The following NRG1 variants were observed in gnomAD, a reference collection of about 807,000 sequenced individuals.
NRG1 encodes pro-neuregulin-1, membrane-bound isoform.
NRG1 carries 18 observed loss-of-function variants against 63.8 expected under a neutral mutation model. That is an observed-to-expected ratio of 0.28 (90% CI 0.19 to 0.42). The LOEUF (loss-of-function observed/expected upper bound fraction) is 0.42. Among genes scored for constraint, NRG1 ranks in the 10% least tolerant of loss-of-function variants. NRG1 has a pLI of 1.00. For synonymous variants in NRG1, 302 were observed against 301.3 expected, an observed-to-expected ratio of 1.00 and a Z score of -0.02; for missense variants, 762 against 814.7, an observed-to-expected ratio of 0.94 and a Z score of 0.79.
At chr8:32,328,824 C>A (rs948104532) in intron 1 of NRG1, among the ~76,000 whole-genome samples, 6 of 152,066 alleles carry the variant, frequency 3.9e-5, no homozygotes, top group Non-Finnish European at 7.4e-5. Context: ...ATTATAGATT[C>A]CTCTTTGCTG....
chr8:32,476,648 G>A (rs1403450547), intron 1 of NRG1, among the ~76,000 whole-genome samples: 1 of 152,206 alleles, frequency 6.6e-6, no homozygotes, highest in Non-Finnish European at 1.5e-5. Flanking sequence ...GGCAACTCAT[G>A]AGAATTGCCA....
At chr8:32,653,737 T>TA (rs1367977862) in intron 5 of NRG1, among the ~76,000 whole-genome samples, 4 of 152,264 alleles carry the variant, frequency 2.6e-5, no homozygotes, top group Non-Finnish European at 4.4e-5. Flanking sequence ...TTGGCTTGCA[T>TA]AACATCAAGA....
chr8:32,338,968 T>C (rs1803692332), intron 1 of NRG1, among the ~76,000 whole-genome samples: 1 of 151,938 alleles, frequency 6.6e-6, no homozygotes, highest in Non-Finnish European at 1.5e-5. Context: ...CTATCTACCA[T>C]AGAAGGGAGA....
At chr8:32,342,811 A>G (rs1246452904) in intron 1 of NRG1, among the ~76,000 whole-genome samples, 1 of 152,228 alleles carries the variant, frequency 6.6e-6, no homozygotes, top group East Asian at 1.9e-4. Context: ...ACTGGCGTGC[A>G]CCATTTCATT....
intron 1 of NRG1, among the ~76,000 whole-genome samples, chr8:32,331,139 G>C (rs1429714141): frequency 6.6e-6 from 1 of 152,018 alleles, no homozygotes; most frequent in East Asian, 1.9e-4. Context: ...AAGTCTTCAT[G>C]AGTTAATTTC....
chr8:32,702,629 G>A (rs1815233113), intron 5 of NRG1, among the ~76,000 whole-genome samples: 1 of 152,142 alleles, frequency 6.6e-6, no homozygotes, highest in Non-Finnish European at 1.5e-5. Context: ...TGGGATTACA[G>A]GCACATACAA....
intron 1 of NRG1, among the ~76,000 whole-genome samples, chr8:31,923,350 C>G (rs1422554674): frequency 6.6e-6 from 1 of 152,122 alleles, no homozygotes; most frequent in African/African-American, 2.4e-5. Flanking sequence ...TATGCACACA[C>G]ACATATAAAT....
intron 1 of NRG1, among the ~76,000 whole-genome samples, chr8:32,585,455 C>T (rs556525247): frequency 5.3e-5 from 8 of 152,234 alleles, no homozygotes; most frequent in East Asian, 1.9e-4. Flanking sequence ...CTGGCCGCGG[C>T]GCAGTGATTT....
At chr8:32,434,739 C>T (rs1818572815) in intron 1 of NRG1, among the ~76,000 whole-genome samples, 1 of 151,972 alleles carries the variant, frequency 6.6e-6, no homozygotes, top group African/African-American at 2.4e-5. Flanking sequence ...GTATAATCAG[C>T]CCTCCCATAT....
At chr8:32,025,839 T>G (rs1273293418) in intron 1 of NRG1, among the ~76,000 whole-genome samples, 1 of 149,760 alleles carries the variant, frequency 6.7e-6, no homozygotes, top group African/African-American at 2.4e-5. Flanking sequence ...TCCCAGCTAC[T>G]CGGGGCTGAG....
intron 1 of NRG1, among the ~76,000 whole-genome samples, chr8:32,404,891 T>C (rs915917878): frequency 6.6e-6 from 1 of 152,162 alleles, no homozygotes; most frequent in Non-Finnish European, 1.5e-5. Context: ...AGCCTTCATC[T>C]TCATCTTAAA....
At position 31,801,769 on chromosome 8, in the gene NRG1, G is replaced by A. The variant is rs376075483; in HGVS notation, c.37+162338G>A. Among the ~76,000 whole-genome samples, 6 of 152,272 alleles carry A rather than the reference G, an allele frequency of 3.9e-5. No individual in the cohort carries two copies. The East Asian group carries it at 1.2e-3, about 29-fold the overall frequency. On this transcript the variant is annotated intron_variant, in intron 1 of 10. Coordinates refer to the NRG1 transcript ENST00000519301. Reference sequence around the variant, plus strand: ...ATATTATCTCTGATAATATATTTCAGTATTTTTCATATTGCTCAATATCAG... The same window carrying A: ...ATATTATCTCTGATAATATATTTCAATATTTTTCATATTGCTCAATATCAG...
At chr8:31,772,428 C>G (rs1372194685) in intron 1 of NRG1, among the ~76,000 whole-genome samples, 1 of 152,186 alleles carries the variant, frequency 6.6e-6, no homozygotes, top group East Asian at 1.9e-4. Context: ...CGGACAGATT[C>G]AACACAAGGT....
At chr8:32,131,293 T>A in intron 1 of NRG1, among the ~76,000 whole-genome samples, 1 of 151,924 alleles carries the variant, frequency 6.6e-6, no homozygotes, top group East Asian at 1.9e-4. Context: ...AATATAGAAA[T>A]CCTAAAACAA....
intron 1 of NRG1, among the ~76,000 whole-genome samples, chr8:32,123,000 TGAA>T (rs1346104600): frequency 3.3e-5 from 5 of 151,690 alleles, no homozygotes; most frequent in Admixed American, 2.0e-4. Context: ...CCGTAAAAAA[TGAA>T]GAACTTTTTT....
chr8:32,443,623 C>T (rs759595333), intron 1 of NRG1, among the ~76,000 whole-genome samples: 2 of 152,176 alleles, frequency 1.3e-5, no homozygotes, highest in Middle Eastern at 3.4e-3. Flanking sequence ...CAGAAGTGTC[C>T]GTATGAACAC....
At chr8:32,074,388 A>G (rs1263451001) in intron 1 of NRG1, among the ~76,000 whole-genome samples, 1 of 152,232 alleles carries the variant, frequency 6.6e-6, no homozygotes, top group Non-Finnish European at 1.5e-5. Context: ...TGAGCCTCAT[A>G]TTTAAATGTG....
intron 1 of NRG1, among the ~76,000 whole-genome samples, chr8:31,746,003 A>G (rs1815816449): frequency 6.6e-6 from 1 of 151,936 alleles, no homozygotes; most frequent in Admixed American, 6.6e-5. Context: ...TCTTGACGAT[A>G]ACTACTTTGG....
At chr8:32,536,689 G>A (rs1046318295) in intron 1 of NRG1, among the ~76,000 whole-genome samples, 7 of 150,774 alleles carry the variant, frequency 4.6e-5, no homozygotes, top group East Asian at 2.0e-4. Context: ...TTGGGAGGCC[G>A]AGGCAGGTGG....
Sources: allele counts gnomAD v4.1 joint callset (sites outside exome capture counted in the v4.1 genomes callset), GRCh38; gene constraint gnomAD v4.1.1; transcripts MANE v1.5; gene names NCBI Gene and HGNC (gene_info 2026-07-23, HGNC 2026-07-21).